JMJD1C: variants seen among roughly 807,000 people sequenced by gnomAD.
JMJD1C encodes jumonji domain containing 1C, also known as jumonji domain-containing protein 1C.
Under a neutral mutation model 245.3 loss-of-function variants are expected in JMJD1C, and 31 were observed. That is an observed-to-expected ratio of 0.13 (90% CI 0.09 to 0.17). The LOEUF (loss-of-function observed/expected upper bound fraction) is 0.17, where lower values mean the gene tolerates loss of function less well. JMJD1C is among the 10% of genes least tolerant of loss of function. JMJD1C has a pLI of 1.00. For synonymous variants in JMJD1C, 1,057 were observed against 1,017.4 expected, an observed-to-expected ratio of 1.04 and a Z score of -0.74; for missense variants, 2,691 against 3,000.2, an observed-to-expected ratio of 0.90 and a Z score of 2.41.
At chr10:63,247,352 A>G (rs1852352651) in intron 3 of JMJD1C, among the ~76,000 whole-genome samples, 1 of 152,142 alleles carries the variant, frequency 6.6e-6, no homozygotes. Flanking sequence ...AGAAAAATGG[A>G]TAAATTCATG....
chr10:63,305,911 T>C (rs1291819876), intron 2 of JMJD1C, among the ~76,000 whole-genome samples: 2 of 151,538 alleles, frequency 1.3e-5, no homozygotes, highest in African/African-American at 4.9e-5. Context: ...TTTTGTAGAG[T>C]TGGGGTTTCA....
intron 1 of JMJD1C, among the ~76,000 whole-genome samples, chr10:63,422,094 A>G (rs1950159821): frequency 6.6e-6 from 1 of 152,214 alleles, no homozygotes; most frequent in Admixed American, 6.5e-5. Context: ...GAGAGACACC[A>G]TTTATTATAA....
In JMJD1C at chr10:63,207,380, G is replaced by A. The variant is rs1234215500; in HGVS notation, c.4289C>T (p.Ser1430Leu). ...GACACTTTTTGAAGATACACATTCT[G>A]ATGATGTAGAGGCCAAAATGGTATT... Reference protein sequence around the residue: ...LSNTILASTSSECVSSKSVSQ... With the variant: ...LSNTILASTSLECVSSKSVSQ... Residue 1430 changes from serine (S) to leucine (L), a missense_variant, in exon 10 of 26, where the codon TCA (serine) becomes TTA (leucine). Physicochemically the swap from Ser to Leu is moderately radical, Grantham distance 145 (BLOSUM62 -2). This residue lies in a region of JMJD1C where 1,562 missense variants were observed against 1,490.7 expected (regional missense o/e 1.05). Transcript: ENST00000399262. 1.5e-5 allele frequency: 24 copies of A among 1,613,988 alleles called. No individual in the cohort carries two copies. The East Asian group carries it at 5.1e-4, about 34-fold the overall frequency.
At chr10:63,308,391 A>G (rs1435253971) in intron 2 of JMJD1C, among the ~76,000 whole-genome samples, 1 of 152,128 alleles carries the variant, frequency 6.6e-6, no homozygotes, top group East Asian at 1.9e-4. Context: ...ACTAAAGTTC[A>G]AAATAGACAA....
chr10:63,371,680 CATA>C (rs10546984), intron 2 of JMJD1C, among the ~76,000 whole-genome samples: 64,451 of 151,728 alleles, frequency 0.42, 14,271 homozygotes, highest in South Asian at 0.53. Flanking sequence ...GTTCTTATAA[CATA>C]ATACTTTCCA....
chr10:63,516,208 A>G (rs1955014138), intron 1 of JMJD1C, among the ~76,000 whole-genome samples: 1 of 146,620 alleles, frequency 6.8e-6, no homozygotes, highest in Non-Finnish European at 1.5e-5. Flanking sequence ...TCTATTAATA[A>G]TTGGGTATGT....
intron 1 of JMJD1C, among the ~76,000 whole-genome samples, chr10:63,443,199 T>C (rs1418444759): frequency 1.3e-5 from 2 of 152,246 alleles, no homozygotes; most frequent in Non-Finnish European, 2.9e-5. Flanking sequence ...AAGAAATGCA[T>C]GGGGTGAGGT....
intron 2 of JMJD1C, among the ~76,000 whole-genome samples, chr10:63,288,674 G>A (rs1439689147): frequency 1.3e-5 from 2 of 152,020 alleles, no homozygotes. Flanking sequence ...AGGCCAAGGT[G>A]TTTGAGACCA....
intron 2 of JMJD1C, among the ~76,000 whole-genome samples, chr10:63,298,849 C>T (rs1220725628): frequency 6.6e-6 from 1 of 152,144 alleles, no homozygotes; most frequent in Non-Finnish European, 1.5e-5. Flanking sequence ...TCTCCTGCCT[C>T]AGCCTCCCGA....
At chr10:63,511,542 T>C (rs1954871636) in intron 1 of JMJD1C, among the ~76,000 whole-genome samples, 1 of 152,066 alleles carries the variant, frequency 6.6e-6, no homozygotes, top group South Asian at 2.1e-4. Context: ...AAATCCCGTC[T>C]CTACTAAAAA....
At chr10:63,374,286 T>A (rs1388965349) in intron 2 of JMJD1C, among the ~76,000 whole-genome samples, 1 of 152,134 alleles carries the variant, frequency 6.6e-6, no homozygotes, top group Non-Finnish European at 1.5e-5. Flanking sequence ...ATTAAAGGAA[T>A]GCAAATTGAA....
chr10:63,395,370 C>T (rs1948416941), intron 1 of JMJD1C, among the ~76,000 whole-genome samples: 1 of 151,938 alleles, frequency 6.6e-6, no homozygotes, highest in Non-Finnish European at 1.5e-5. Context: ...CCTAGCTACT[C>T]AGGAGGCTGA....
intron 2 of JMJD1C, among the ~76,000 whole-genome samples, chr10:63,334,972 T>A (rs1942551122): frequency 6.8e-6 from 1 of 146,010 alleles, no homozygotes; most frequent in Admixed American, 7.0e-5. Flanking sequence ...CCTCTCAAAG[T>A]GCTGGGATTA....
At chr10:63,219,557 C>A (rs773401745) in intron 4 of JMJD1C, among the ~76,000 whole-genome samples, 1 of 152,120 alleles carries the variant, frequency 6.6e-6, no homozygotes, top group Non-Finnish European at 1.5e-5. Flanking sequence ...CTGTGGGCAA[C>A]CCTCTACTGC....
chr10:63,168,621 A>G, intron 24 of JMJD1C, 55 bp from the exon 25 acceptor site: 1 of 1,477,866 alleles, frequency 6.8e-7, no homozygotes, highest in East Asian at 2.4e-5. Context: ...GAGCAAAGAA[A>G]AGCCAAGTTA....
chr10:63,292,013 C>T (rs1217307937), intron 2 of JMJD1C, among the ~76,000 whole-genome samples: 4 of 151,770 alleles, frequency 2.6e-5, no homozygotes, highest in African/African-American at 7.3e-5. Flanking sequence ...TGTCATGGCA[C>T]GATCACAGCT....
chr10:63,176,216 A>C, intron 24 of JMJD1C, 81 bp downstream of exon 24: 2 of 931,804 alleles, frequency 2.1e-6, no homozygotes, highest in Non-Finnish European at 3.1e-6. Flanking sequence ...TTCCATTTAT[A>C]TCTATACTAA....
chr10:63,383,343 C>G (rs1432915570), intron 1 of JMJD1C, among the ~76,000 whole-genome samples: 1 of 152,058 alleles, frequency 6.6e-6, no homozygotes, highest in African/African-American at 2.4e-5. Context: ...AGTTAACTAT[C>G]CATACCAAGT....
At chr10:63,367,497 C>T (rs756422519) in intron 2 of JMJD1C, among the ~76,000 whole-genome samples, 9 of 152,084 alleles carry the variant, frequency 5.9e-5, no homozygotes, top group Admixed American at 2.0e-4. Flanking sequence ...CTGCCAGCCT[C>T]GGCCTCCCAA....
Sources: allele counts gnomAD v4.1 joint callset (sites outside exome capture counted in the v4.1 genomes callset), GRCh38; gene constraint gnomAD v4.1.1; regional missense constraint gnomAD v4.1.1; transcripts MANE v1.5; gene names NCBI Gene and HGNC (gene_info 2026-07-23, HGNC 2026-07-21).